Variants in BAG2 observed in about 807,000 individuals in gnomAD.
The protein encoded by BAG2 is BAG family molecular chaperone regulator 2.
In BAG2, 8 loss-of-function variants were observed where a neutral mutation model predicts 16.4. The ratio of observed to expected loss-of-function variants is 0.49; its 90% CI spans 0.29 to 0.88. The LOEUF (loss-of-function observed/expected upper bound fraction) is 0.88, where lower values mean the gene tolerates loss of function less well. Ranked by LOEUF, BAG2 falls within the 40% of genes least tolerant of loss-of-function variation. The pLI, the probability that BAG2 is intolerant of heterozygous loss-of-function variation, is 0.09. For missense variants in BAG2, 218 were observed against 248.9 expected, an observed-to-expected ratio of 0.88 and a Z score of 0.84; for synonymous variants, 82 against 89.2, an observed-to-expected ratio of 0.92 and a Z score of 0.46.
chr6:57,183,905 T>C lies in BAG2; in HGVS notation c.351T>C (p.Ile117=), dbSNP rs145506610. ...QESLKHATRI[I]DEVVNKFLDD... is the part of the protein sequence containing the mutation. ...CCCTAAAGCATGCCACAAGGATTATTGATGAGGTGGTCAATAAGTTTCTGG... is the reference window on the plus strand; with the variant it reads ...CCCTAAAGCATGCCACAAGGATTATCGATGAGGTGGTCAATAAGTTTCTGG... The change falls in exon 3 of 3, where the codon ATT becomes ATC. Residue 117 remains isoleucine (I), a synonymous_variant. Transcript: ENST00000370693. The C allele has an allele frequency of 7.3e-5, 118 of 1,614,100 alleles. No individual in the cohort carries two copies. The African/African-American group carries it at 1.4e-3, about 19-fold the overall frequency.
rs2127994257 is a variant in BAG2 at position 57,186,785 on chromosome 6, C to A, written c.*2595C>A. The A allele has an allele frequency of 6.6e-6, 1 of 152,234 alleles. No individual in the cohort carries two copies. Among genetic ancestry groups the A allele is most frequent in the Non-Finnish European group, 1.5e-5 (1 of 68,008 alleles). The allele number at this position is 152,234 out of a possible 1,614,324, so 9.4% of individuals were successfully genotyped here. On this transcript the variant is annotated 3_prime_UTR_variant, in exon 3 of 3. Transcript: ENST00000370693. ...GTTTTGCTGTATCTCAATTCTCTAC[C>A]ATTCCTAGCATATAATACATAATTT...
rs1166439869 is a variant in BAG2 at position 57,185,763 on chromosome 6, T to C, written c.*1573T>C. The C allele has an allele frequency of 6.6e-6, 1 of 152,202 alleles. No individual in the cohort carries two copies. Among genetic ancestry groups the C allele is most frequent in the Non-Finnish European group, 1.5e-5 (1 of 68,030 alleles). 9.4% of individuals were successfully genotyped at this position (152,202 alleles called of 1,614,324 possible). On this transcript the variant is annotated 3_prime_UTR_variant, in exon 3 of 3. Coordinates refer to ENST00000370693, the MANE Select transcript of BAG2 (RefSeq NM_004282.4). ...GACCAGCTTTTTGAAAATTAAGAAA[T>C]GGATAGTCATGTTTTCTTCAGGTTC...
At chr6:57,173,182 C>A (rs1338820310) in intron 1 of BAG2, 12 of 1,000,838 alleles carry the variant, frequency 1.2e-5, no homozygotes, top group African/African-American at 1.7e-5. Context: ...ACTTCTAGAA[C>A]CTTCTGTGTG....
intron 1 of BAG2, chr6:57,173,393 A>G (rs1045199826): frequency 2.0e-6 from 2 of 985,422 alleles, no homozygotes; most frequent in East Asian, 2.3e-4. Flanking sequence ...TTCGTGCAGC[A>G]GAGACGTTGC....
rs1173504872 is a variant in BAG2, at chr6:57,185,414, T to C, written c.*1224T>C. ...TATTTTGAAATGAACACATCAATTT[T>C]TATTTGAATGTAGGTATTCTTCACA... is the stretch of plus-strand genomic sequence containing the variant. On this transcript the variant is annotated 3_prime_UTR_variant, in exon 3 of 3. Transcript: ENST00000370693. The C allele has an allele frequency of 6.6e-6, 1 of 152,220 alleles. No individual in the cohort carries two copies. Among genetic ancestry groups the C allele is most frequent in the Admixed American group, 6.5e-5 (1 of 15,278 alleles). 9.4% of individuals were successfully genotyped at this position (152,220 alleles called of 1,614,324 possible).
At position 57,189,368 on chromosome 6, in the gene BAG2, C is replaced by CTAA. The variant is rs1186536166; in HGVS notation, c.*5187_*5189dup. 6.6e-6 allele frequency: 1 copy of CTAA among 152,104 alleles called. No homozygotes were observed. The highest frequency in any genetic ancestry group is 2.4e-5 in the African/African-American group (1 of 41,384). 9.4% of individuals were successfully genotyped at this position (152,104 alleles called of 1,614,324 possible). On this transcript the variant is annotated 3_prime_UTR_variant, in exon 3 of 3. Transcript: ENST00000370693. ...ATAAAATATGTAATTTTAGTTAAGA[C>CTAA]TAATAATAATATTTTTGTGCACTTT...
chr6:57,179,345 T>C (rs1764373383), intron 1 of BAG2, among the ~76,000 whole-genome samples: 1 of 152,264 alleles, frequency 6.6e-6, no homozygotes, highest in Non-Finnish European at 1.5e-5. Context: ...TTGCTTTTAC[T>C]GGCTCTTATA....
rs1465004208 is a variant in BAG2, at chr6:57,187,938, T to C, written c.*3748T>C. 6.6e-6 allele frequency: 1 copy of C among 152,144 alleles called. No individual in the cohort carries two copies. Among genetic ancestry groups the C allele is most frequent in the African/African-American group, 2.4e-5 (1 of 41,404 alleles). The allele number at this position is 152,144 out of a possible 1,614,324, so 9.4% of individuals were successfully genotyped here. The stretch of plus-strand genomic sequence containing the variant: ...TTTAACCTGGTTTTATTTAACTATA[T>C]TGCCTTATATGGGTCATTCTATATA... On this transcript the variant is annotated 3_prime_UTR_variant, in exon 3 of 3. Transcript: ENST00000370693.
In BAG2 at chr6:57,189,738, G is replaced by GAT. The variant is rs1393784299; in HGVS notation, c.*5551_*5552dup. The GAT allele has an allele frequency of 6.6e-6, 1 of 152,600 alleles. No individual in the cohort carries two copies. Among genetic ancestry groups the GAT allele is most frequent in the Non-Finnish European group, 1.5e-5 (1 of 68,052 alleles). The allele number at this position is 152,600 out of a possible 1,614,324, so 9.5% of individuals were successfully genotyped here. ...GTAAAGCACTATAAAAATTAGGTAT[G>GAT]ATATTTTTGGCACAAAGCACTTTTT... On this transcript the variant is annotated 3_prime_UTR_variant, in exon 3 of 3. Transcript: ENST00000370693.
At chr6:57,176,104 G>C (rs1313948399) in intron 1 of BAG2, among the ~76,000 whole-genome samples, 1 of 152,186 alleles carries the variant, frequency 6.6e-6, no homozygotes, top group Non-Finnish European at 1.5e-5. Context: ...TGTGAGAGCA[G>C]AGGAAAAACA....
Position 57,173,056 on chromosome 6 carries a change from G to C in BAG2, c.113+246G>C, listed in dbSNP as rs774293463. On this transcript the variant is annotated intron_variant, in intron 1 of 2. Coordinates refer to ENST00000370693, the MANE Select transcript of BAG2 (RefSeq NM_004282.4). ...AGCTAAACCTGTGAGGGCGTTATCG[G>C]TGGCCACACTTTGATTAATTTACCT... 69 of 802,784 alleles carry C rather than the reference G, an allele frequency of 8.6e-5. No homozygotes were observed. In the Admixed American group the frequency reaches 1.9e-3, roughly 22 times the overall value. The allele number at this position is 802,784 out of a possible 1,614,324, so 49.7% of individuals were successfully genotyped here. A position where few individuals can be genotyped will look rare whatever the true frequency, so the allele number is the denominator to read the frequency against.
chr6:57,183,079 C>T (rs2127993436), intron 2 of BAG2, among the ~76,000 whole-genome samples: 1 of 152,326 alleles, frequency 6.6e-6, no homozygotes, highest in African/African-American at 2.4e-5. Flanking sequence ...GGCCAAGTGG[C>T]TGGTGAGGTA....
At chr6:57,177,380 C>T (rs551165603) in intron 1 of BAG2, among the ~76,000 whole-genome samples, 1 of 152,270 alleles carries the variant, frequency 6.6e-6, no homozygotes, top group South Asian at 2.1e-4. Context: ...CACACCACTG[C>T]ACTCCGGCCT....
Position 57,187,690 on chromosome 6 carries a change from A to C in BAG2, c.*3500A>C, listed in dbSNP as rs1402378919. 6.6e-6 allele frequency: 1 copy of C among 152,188 alleles called. No individual in the cohort carries two copies. The highest frequency in any genetic ancestry group is 1.5e-5 in the Non-Finnish European group (1 of 68,022). The allele number at this position is 152,188 out of a possible 1,614,324, so 9.4% of individuals were successfully genotyped here. ...GTCCTAAGGCCAACTCCCTATTCTA[A>C]GGTCTTCAGAAAAGGTCCAGTTTCC... On this transcript the variant is annotated 3_prime_UTR_variant, in exon 3 of 3. Transcript: ENST00000370693.
intron 1 of BAG2, among the ~76,000 whole-genome samples, chr6:57,176,393 A>G (rs1764287170): frequency 6.6e-6 from 1 of 152,226 alleles, no homozygotes; most frequent in African/African-American, 2.4e-5. Flanking sequence ...ATATGGATGA[A>G]TAGATGAGCT....
At position 57,172,873 on chromosome 6, in the gene BAG2, A is replaced by C. The variant is rs991446360; in HGVS notation, c.113+63A>C. 15 of 1,332,806 alleles carry C rather than the reference A, an allele frequency of 1.1e-5. No homozygotes were observed. The African/African-American group carries it at 2.2e-4, about 19-fold the overall frequency. The allele number at this position is 1,332,806 out of a possible 1,614,324, so 82.6% of individuals were successfully genotyped here. On this transcript the variant is annotated intron_variant, in intron 1 of 2. Transcript: ENST00000370693. ...CCGCGCGGGCGGTTCGCGGGCGGTT[A>C]GCGGACGGAGGCCGCGTGTGGCGGG...
rs750768984 is a variant in BAG2 at position 57,172,705 on chromosome 6, A to C, written c.8A>C (p.Gln3Pro). 1 of 1,566,022 alleles carries C rather than the reference A, an allele frequency of 6.4e-7. No homozygotes were observed. Among genetic ancestry groups the C allele is most frequent in the Admixed American group, 1.8e-5 (1 of 54,388 alleles). MA[Q>P]AKINAKANEG... ...CCCGCGTCGGAGGCTTAGATGGCTC[A>C]GGCGAAGATCAACGCTAAAGCCAAC... Residue 3 changes from glutamine (Q) to proline (P), a missense_variant, in exon 1 of 3, where the codon CAG (glutamine) becomes CCG (proline). Coordinates refer to ENST00000370693, the MANE Select transcript of BAG2 (RefSeq NM_004282.4).
intron 1 of BAG2, chr6:57,173,095 C>T: frequency 9.9e-7 from 1 of 1,009,518 alleles, no homozygotes; most frequent in Non-Finnish European, 1.2e-6. Flanking sequence ...TGTTAGGGAG[C>T]GGAAAAAAAT....
rs1030224973 is a variant in BAG2 at position 57,184,497 on chromosome 6, G to T, written c.*307G>T. On this transcript the variant is annotated 3_prime_UTR_variant, in exon 3 of 3. Transcript: ENST00000370693. The stretch of plus-strand genomic sequence containing the variant: ...ACAAACGTTCAGCTAGGGGCAAAAA[G>T]CATGACTGCTTTTTCCTGTCTGGCA... 5 of 190,880 alleles carry T rather than the reference G, an allele frequency of 2.6e-5. No homozygotes were observed. The highest frequency in any genetic ancestry group is 5.4e-5 in the Non-Finnish European group (5 of 93,418). The allele number at this position is 190,880 out of a possible 1,614,324, so 11.8% of individuals were successfully genotyped here.
Sources: allele counts gnomAD v4.1 joint callset (sites outside exome capture counted in the v4.1 genomes callset), GRCh38; gene constraint gnomAD v4.1.1; transcripts MANE v1.5; gene names NCBI Gene and HGNC (gene_info 2026-07-23, HGNC 2026-07-21).